Variants in QTMAN observed in about 807,000 individuals in gnomAD.
The protein encoded by QTMAN is queuosine-tRNA mannosyltransferase, also known as tRNA-queuosine alpha-mannosyltransferase.
chr2:144,087,351 T>C, the QTMAN span, among the ~76,000 whole-genome samples: 1 of 152,134 alleles, frequency 6.6e-6, no homozygotes, highest in South Asian at 2.1e-4. Context: ...TAGGCCTAGA[T>C]AGTTTAACTG....
the QTMAN span, among the ~76,000 whole-genome samples, chr2:144,080,098 C>T: frequency 1.3e-5 from 2 of 152,030 alleles, no homozygotes; most frequent in Non-Finnish European, 2.9e-5. Flanking sequence ...ATTGGTAATA[C>T]ACAATTTTAG....
chr2:144,307,188 T>TAAAAAAAAAAAAAAAAA, the QTMAN span, among the ~76,000 whole-genome samples: 1 of 81,270 alleles, frequency 1.2e-5, no homozygotes, highest in Non-Finnish European at 2.6e-5. Flanking sequence ...AAAAAACAAT[T>TAAAAAAAAAAAAAAAAA]AAAAAAAAAA....
At chr2:144,198,209 C>G in the QTMAN span, among the ~76,000 whole-genome samples, 1 of 151,504 alleles carries the variant, frequency 6.6e-6, no homozygotes, top group Non-Finnish European at 1.5e-5. Context: ...TAGAGCAAGA[C>G]TTTGTTTAAA....
At chr2:144,073,524 T>G in the QTMAN span, among the ~76,000 whole-genome samples, 3 of 152,164 alleles carry the variant, frequency 2.0e-5, no homozygotes, top group South Asian at 6.2e-4. Context: ...AAAGTTTGTT[T>G]ACAGAGCCCA....
At chr2:144,308,986 A>C in the QTMAN span, among the ~76,000 whole-genome samples, 1 of 152,332 alleles carries the variant, frequency 6.6e-6, no homozygotes, top group Admixed American at 6.5e-5. Context: ...TTCACAAAAG[A>C]AGTTATATAA....
the QTMAN span, among the ~76,000 whole-genome samples, chr2:144,040,187 G>A: frequency 6.6e-6 from 1 of 152,126 alleles, no homozygotes; most frequent in East Asian, 1.9e-4. Flanking sequence ...CCAGTATTTA[G>A]TTTTAATTTT....
the QTMAN span, among the ~76,000 whole-genome samples, chr2:144,281,747 T>A: frequency 6.6e-6 from 1 of 152,194 alleles, no homozygotes; most frequent in Non-Finnish European, 1.5e-5. Flanking sequence ...GAGGACCATA[T>A]GAGCAAGGTG....
chr2:144,054,106 C>T, the QTMAN span, among the ~76,000 whole-genome samples: 2 of 151,790 alleles, frequency 1.3e-5, no homozygotes, highest in African/African-American at 4.8e-5. Flanking sequence ...GAGAATGGCT[C>T]GAACCTGGGA....
At chr2:144,077,962 A>G in the QTMAN span, among the ~76,000 whole-genome samples, 3 of 152,122 alleles carry the variant, frequency 2.0e-5, no homozygotes, top group African/African-American at 7.2e-5. Context: ...GATCTAAAAA[A>G]TTTTTAAAGT....
At chr2:144,124,449 T>A in the QTMAN span, among the ~76,000 whole-genome samples, 1 of 152,170 alleles carries the variant, frequency 6.6e-6, no homozygotes, top group African/African-American at 2.4e-5. Context: ...CTTATAAACT[T>A]ATTTCTAATA....
At chr2:144,058,980 G>T in the QTMAN span, among the ~76,000 whole-genome samples, 3 of 152,148 alleles carry the variant, frequency 2.0e-5, no homozygotes, top group Non-Finnish European at 4.4e-5. Flanking sequence ...CTCCATCACA[G>T]TTAAATATAT....
the QTMAN span, among the ~76,000 whole-genome samples, chr2:144,165,934 A>G: frequency 2.0e-5 from 3 of 152,116 alleles, no homozygotes; most frequent in Middle Eastern, 3.4e-3. Flanking sequence ...ACACCTAACT[A>G]ATCTTATTTC....
the QTMAN span, among the ~76,000 whole-genome samples, chr2:144,144,534 T>G: frequency 6.6e-6 from 1 of 151,990 alleles, no homozygotes; most frequent in East Asian, 1.9e-4. Flanking sequence ...AAACATATTT[T>G]CCTTCTCTGT....
chr2:144,191,708 TTC>T, the QTMAN span, among the ~76,000 whole-genome samples: 2 of 152,122 alleles, frequency 1.3e-5, no homozygotes, highest in Non-Finnish European at 2.9e-5. Context: ...AATAAAATAT[TTC>T]TGAGGCAAAT....
At chr2:144,054,806 G>A in the QTMAN span, among the ~76,000 whole-genome samples, 1 of 152,196 alleles carries the variant, frequency 6.6e-6, no homozygotes, top group Non-Finnish European at 1.5e-5. Context: ...TATAATGCTA[G>A]TAATGCCTTT....
the QTMAN span, chr2:143,943,075 T>C: frequency 6.6e-6 from 1 of 152,250 alleles, no homozygotes; most frequent in Non-Finnish European, 1.5e-5. Flanking sequence ...TGTCCTTTTT[T>C]TTCTCTACCA....
chr2:144,289,963 G>A, the QTMAN span, among the ~76,000 whole-genome samples: 2 of 152,194 alleles, frequency 1.3e-5, no homozygotes, highest in African/African-American at 2.4e-5. Flanking sequence ...TCAACTGGAT[G>A]TGTAAACAGA....
chr2:144,138,438 G>GT, the QTMAN span, among the ~76,000 whole-genome samples: 6 of 151,992 alleles, frequency 3.9e-5, no homozygotes, highest in Admixed American at 3.9e-4. Context: ...ATTTTAAGAT[G>GT]TAAGAAATAA....
chr2:144,070,792 T>C, the QTMAN span, among the ~76,000 whole-genome samples: 2 of 152,144 alleles, frequency 1.3e-5, no homozygotes, highest in Non-Finnish European at 2.9e-5. Context: ...ATTTAACCCA[T>C]ATATCAATCT....
Sources: gnomAD v4.1 joint callset for allele counts (sites outside exome capture counted in the v4.1 genomes callset) on GRCh38, gnomAD v4.1.1 for gene constraint, MANE v1.5 for transcripts, NCBI Gene and HGNC (gene_info 2026-07-23, HGNC 2026-07-21) for gene names.